The following PRKG1 variants were observed in gnomAD, a reference collection of about 807,000 sequenced individuals.
PRKG1 encodes the protein cGMP-dependent protein kinase 1.
In PRKG1, 35 loss-of-function variants were observed where a neutral mutation model predicts 88.1. The observed-to-expected ratio is 0.40, with a 90% CI of 0.30 to 0.53. The LOEUF is 0.53. Among genes scored for constraint, PRKG1 ranks in the 20% least tolerant of loss-of-function variants. The probability of loss-of-function intolerance (pLI) is 0.59; values close to 1 mark genes in which losing one functional copy is unlikely to be tolerated. For synonymous variants in PRKG1, 303 were observed against 292.5 expected (o/e 1.04, Z -0.37); for missense variants, 540 against 839.8 (o/e 0.64, Z 4.41).
chr10:51,983,305 A>G (rs1844062929), intron 5 of PRKG1, among the ~76,000 whole-genome samples: 1 of 152,098 alleles, frequency 6.6e-6, no homozygotes, highest in Admixed American at 6.5e-5. Flanking sequence ...CCTGCTACAC[A>G]CACTGCTGGC....
chr10:51,326,472 C>T (rs939422141), intron 2 of PRKG1, among the ~76,000 whole-genome samples: 45 of 152,174 alleles, frequency 3.0e-4, no homozygotes, highest in African/African-American at 9.2e-4. Context: ...ATAATGACAT[C>T]AATTCTGTAG....
chr10:51,453,375 T>C (rs2132776972), intron 2 of PRKG1, among the ~76,000 whole-genome samples: 2 of 152,180 alleles, frequency 1.3e-5, no homozygotes, highest in Admixed American at 1.3e-4. Context: ...TTTGTTCCTG[T>C]TTCTCTAGTT....
chr10:51,494,105 G>C (rs1416025491), intron 3 of PRKG1, among the ~76,000 whole-genome samples: 1 of 152,062 alleles, frequency 6.6e-6, no homozygotes, highest in East Asian at 1.9e-4. Flanking sequence ...CTGTCTCCCA[G>C]GTTGGAGTGC....
chr10:51,036,488 G>A (rs571702638), intron 1 of PRKG1, among the ~76,000 whole-genome samples: 33 of 152,198 alleles, frequency 2.2e-4, no homozygotes, highest in African/African-American at 7.5e-4. Flanking sequence ...TGAGGGAATC[G>A]AGGAGTGATC....
intron 4 of PRKG1, among the ~76,000 whole-genome samples, chr10:51,863,871 G>A (rs527329059): frequency 1.3e-5 from 2 of 152,276 alleles, no homozygotes; most frequent in East Asian, 3.9e-4. Context: ...CTGTCCTTCA[G>A]CTCTGTTTGC....
At chr10:51,432,636 A>G (rs1838802570) in intron 2 of PRKG1, among the ~76,000 whole-genome samples, 1 of 151,844 alleles carries the variant, frequency 6.6e-6, no homozygotes. Flanking sequence ...GGGGAAGAAA[A>G]GGTCTACCAG....
At chr10:51,087,958 T>C (rs1407280884) in intron 1 of PRKG1, among the ~76,000 whole-genome samples, 21 of 152,148 alleles carry the variant, frequency 1.4e-4, no homozygotes. Flanking sequence ...AGAGACAAGG[T>C]CTTACTGTGT....
intron 2 of PRKG1, among the ~76,000 whole-genome samples, chr10:51,335,860 T>C (rs1841863461): frequency 6.6e-6 from 1 of 152,310 alleles, no homozygotes; most frequent in South Asian, 2.1e-4. Context: ...TGGGTGCAGG[T>C]CTCTGTTTAT....
At chr10:52,161,287 G>A (rs545418599) in intron 8 of PRKG1, among the ~76,000 whole-genome samples, 7 of 152,104 alleles carry the variant, frequency 4.6e-5, no homozygotes, top group African/African-American at 1.4e-4. Context: ...CATTCCTCCT[G>A]TTATATGCTA....
chr10:51,123,241 AC>A (rs1332896574), intron 1 of PRKG1, among the ~76,000 whole-genome samples: 1 of 152,232 alleles, frequency 6.6e-6, no homozygotes, highest in Non-Finnish European at 1.5e-5. Flanking sequence ...CTAACATTTT[AC>A]AACAGTCTTA....
chr10:51,685,801 TA>T (rs2132380027), intron 3 of PRKG1, among the ~76,000 whole-genome samples: 1 of 152,002 alleles, frequency 6.6e-6, no homozygotes, highest in Non-Finnish European at 1.5e-5. Flanking sequence ...ATATGTGGAG[TA>T]AGTCTGTGGT....
intron 4 of PRKG1, among the ~76,000 whole-genome samples, chr10:51,825,654 A>G (rs1839865060): frequency 6.6e-6 from 1 of 152,088 alleles, no homozygotes; most frequent in African/African-American, 2.4e-5. Context: ...TAGCTCCCAT[A>G]TTTCCCCTGG....
At chr10:51,994,432 A>G (rs753394643) in intron 5 of PRKG1, among the ~76,000 whole-genome samples, 1 of 152,146 alleles carries the variant, frequency 6.6e-6, no homozygotes, top group Non-Finnish European at 1.5e-5. Context: ...GAAAACTTCC[A>G]AAGTAGATAA....
chr10:51,303,468 C>T (rs1840947862), intron 2 of PRKG1, among the ~76,000 whole-genome samples: 1 of 151,616 alleles, frequency 6.6e-6, no homozygotes, highest in Admixed American at 6.6e-5. Flanking sequence ...GTGAGAAATG[C>T]CCCTTGTCTC....
chr10:51,512,169 T>C (rs1841430700), intron 3 of PRKG1, among the ~76,000 whole-genome samples: 2 of 126,924 alleles, frequency 1.6e-5, no homozygotes, highest in Non-Finnish European at 3.2e-5. Context: ...TCTCTCATTC[T>C]AATTAATTTT....
chr10:51,421,188 T>C (rs1838407498), intron 2 of PRKG1, among the ~76,000 whole-genome samples: 1 of 141,562 alleles, frequency 7.1e-6, no homozygotes, highest in Non-Finnish European at 1.6e-5. Context: ...TTGTTTGTTT[T>C]AGAAACAGGG....
At chr10:52,162,000 G>A (rs201854307) in intron 9 of PRKG1, 37 bp downstream of exon 9, 3 of 1,527,190 alleles carry the variant, frequency 2.0e-6, no homozygotes, top group Non-Finnish European at 2.7e-6. Context: ...ATTGCAAAAT[G>A]ATTTTGAATA....
At chr10:52,108,674 A>T (rs565712621) in intron 7 of PRKG1, among the ~76,000 whole-genome samples, 1 of 152,266 alleles carries the variant, frequency 6.6e-6, no homozygotes, top group South Asian at 2.1e-4. Context: ...TTCATTCTAC[A>T]GCTTATATTC....
intron 2 of PRKG1, among the ~76,000 whole-genome samples, chr10:51,202,984 G>A (rs551030349): frequency 1.3e-5 from 2 of 152,278 alleles, no homozygotes; most frequent in South Asian, 4.1e-4. Context: ...AGACCAGTAA[G>A]AAAGCTAATA....
Sources: allele counts gnomAD v4.1 joint callset (sites outside exome capture counted in the v4.1 genomes callset), GRCh38; gene constraint gnomAD v4.1.1; transcripts MANE v1.5; gene names NCBI Gene and HGNC (gene_info 2026-07-23, HGNC 2026-07-21).